The following TRPC4 variants were observed in gnomAD, a reference collection of about 807,000 sequenced individuals.
The protein encoded by TRPC4 is transient receptor potential cation channel subfamily C member 4.
Under a neutral mutation model 99.4 loss-of-function variants are expected in TRPC4, and 49 were observed. The ratio of observed to expected loss-of-function variants is 0.49; its 90% CI spans 0.39 to 0.63. The LOEUF (loss-of-function observed/expected upper bound fraction) is 0.63. Ranked by LOEUF, TRPC4 falls within the 20% of genes least tolerant of loss-of-function variation. The pLI is 0.00. For synonymous variants in TRPC4, 454 were observed against 425.9 expected (o/e 1.07, Z -0.81); for missense variants, 898 against 1,152.9 (o/e 0.78, Z 3.20).
At chr13:37,647,396 C>T (rs893231958) in intron 8 of TRPC4, among the ~76,000 whole-genome samples, 4 of 152,132 alleles carry the variant, frequency 2.6e-5, no homozygotes, top group African/African-American at 9.7e-5. Context: ...GCCTGGTAAA[C>T]AAGGGATTCG....
intron 1 of TRPC4, among the ~76,000 whole-genome samples, chr13:37,797,881 C>A (rs1024940145): frequency 6.6e-6 from 1 of 152,134 alleles, no homozygotes. Flanking sequence ...TTATTCTGCA[C>A]AGTCATCAAC....
chr13:37,788,697 C>A (rs755362069), intron 1 of TRPC4, among the ~76,000 whole-genome samples: 31 of 151,966 alleles, frequency 2.0e-4, no homozygotes, highest in South Asian at 4.1e-4. Flanking sequence ...TTTCCTTTAT[C>A]TATCACTCTC....
At chr13:37,778,158 C>T (rs1346820672) in intron 2 of TRPC4, among the ~76,000 whole-genome samples, 1 of 152,066 alleles carries the variant, frequency 6.6e-6, no homozygotes, top group Non-Finnish European at 1.5e-5. Flanking sequence ...AAATGACACC[C>T]ATTCAAATCG....
intron 1 of TRPC4, among the ~76,000 whole-genome samples, chr13:37,789,310 G>A (rs980144509): frequency 6.6e-6 from 1 of 151,994 alleles, no homozygotes; most frequent in Non-Finnish European, 1.5e-5. Context: ...CCTTCCCTTG[G>A]GCACTTAGCA....
rs142107050 is a variant in TRPC4 at position 37,836,226 on chromosome 13, C to T, written c.-28+33369G>A. Among the ~76,000 whole-genome samples, 215 of 152,212 alleles carry T rather than the reference C, an allele frequency of 1.4e-3. 1 individual carries two copies. The highest frequency in any genetic ancestry group is 3.4e-3 in the Middle Eastern group (1 of 294). On this transcript the variant is annotated intron_variant, in intron 1 of 10. Transcript: ENST00000379705. ...CTTTCTTTTGTAAATTGCCCAGTCT[C>T]GGGTATATTTTTATCAGCAGCATGA...
intron 1 of TRPC4, among the ~76,000 whole-genome samples, chr13:37,830,026 G>C (rs1016705299): frequency 2.8e-4 from 43 of 152,180 alleles, no homozygotes; most frequent in Admixed American, 3.3e-4. Flanking sequence ...GACTGCTAAT[G>C]ACTATGGGGT....
In TRPC4 at chr13:37,639,060, G is replaced by C. The variant is rs201872753; in HGVS notation, c.2191C>G (p.Leu731Val). ...MIRDAKTEEG[L>V]TEENFKELKQ... ...GTTACCTTAAAGTTCTCTTCGGTCA[G>C]GCCTTCTTCAGTTTTAGCATCTCTA... Residue 731 changes from leucine (L) to valine (V), a missense_variant, in exon 10 of 11, where the codon CTG becomes GTG. Coordinates refer to ENST00000379705, the MANE Select transcript of TRPC4 (RefSeq NM_016179.4). 17 of 1,613,462 alleles carry C rather than the reference G, an allele frequency of 1.1e-5. No individual in the cohort carries two copies. Among genetic ancestry groups the C allele is most frequent in the South Asian group, 1.1e-5 (1 of 91,074 alleles).
chr13:37,649,758 A>AAAC (rs774195492), intron 8 of TRPC4, among the ~76,000 whole-genome samples: 5 of 111,752 alleles, frequency 4.5e-5, no homozygotes, highest in South Asian at 3.0e-4. Flanking sequence ...AAAAAAAAAA[A>AAAC]AACAACAACA....
intron 1 of TRPC4, among the ~76,000 whole-genome samples, chr13:37,846,279 C>T (rs1244872937): frequency 1.3e-5 from 2 of 152,028 alleles, no homozygotes; most frequent in Non-Finnish European, 2.9e-5. Flanking sequence ...TGTGGTCATA[C>T]TCAGAATTCT....
chr13:37,742,291 T>A (rs1955614973), intron 3 of TRPC4, among the ~76,000 whole-genome samples: 1 of 152,172 alleles, frequency 6.6e-6, no homozygotes, highest in South Asian at 2.1e-4. Flanking sequence ...TTTTAATATG[T>A]TGATTCATAA....
At chr13:37,653,808 T>C (rs934732061) in intron 7 of TRPC4, among the ~76,000 whole-genome samples, 1 of 152,190 alleles carries the variant, frequency 6.6e-6, no homozygotes, top group African/African-American at 2.4e-5. Context: ...TCCTTGTATC[T>C]AGCTTGATAA....
intron 3 of TRPC4, among the ~76,000 whole-genome samples, chr13:37,709,421 A>C (rs1395181741): frequency 6.6e-6 from 1 of 152,070 alleles, no homozygotes; most frequent in Non-Finnish European, 1.5e-5. Flanking sequence ...TAACAATAAC[A>C]GTACTGATAA....
At chr13:37,659,509 A>C (rs574298696) in intron 6 of TRPC4, among the ~76,000 whole-genome samples, 16 of 152,202 alleles carry the variant, frequency 1.1e-4, no homozygotes, top group Non-Finnish European at 2.4e-4. Context: ...ATGGACTAAG[A>C]CAGGAGGCAG....
At chr13:37,686,076 A>G (rs139600899) in intron 4 of TRPC4, among the ~76,000 whole-genome samples, 2 of 152,228 alleles carry the variant, frequency 1.3e-5, no homozygotes, top group East Asian at 3.9e-4. Flanking sequence ...TGCTAAGATT[A>G]TTTGAGCACC....
At chr13:37,656,872 G>A (rs1036438374) in intron 6 of TRPC4, among the ~76,000 whole-genome samples, 3 of 152,108 alleles carry the variant, frequency 2.0e-5, no homozygotes, top group Non-Finnish European at 2.9e-5. Context: ...CCAGCACTAC[G>A]TCAACTCCGG....
In TRPC4 at chr13:37,632,786, G is replaced by A. The variant is rs1951423354; in HGVS notation, c.*4117C>T. ...ACAGTGTATTTTCTGAAAACAGTAAGAAACCAGCTTTTTAAAAATTCTCTT... is the reference window on the plus strand; with the variant it reads ...ACAGTGTATTTTCTGAAAACAGTAAAAAACCAGCTTTTTAAAAATTCTCTT... On this transcript the variant is annotated 3_prime_UTR_variant, in exon 11 of 11. Transcript: ENST00000379705. Among the ~76,000 whole-genome samples, 1 of 152,110 alleles carries A rather than the reference G, an allele frequency of 6.6e-6. No individual in the cohort carries two copies. The highest frequency in any genetic ancestry group is 2.4e-5 in the African/African-American group (1 of 41,442).
chr13:37,788,751 A>C lies in TRPC4; in HGVS notation c.-27-5391T>G, dbSNP rs1479233194. Among the ~76,000 whole-genome samples, 4 of 152,186 alleles carry C rather than the reference A, an allele frequency of 2.6e-5. No individual in the cohort carries two copies. In the East Asian group the frequency reaches 7.7e-4, roughly 29 times the overall value. On this transcript the variant is annotated intron_variant, in intron 1 of 10. Transcript: ENST00000379705. ...TGCTGTTTAAAATGTTCCCTGAAAA[A>C]CATACATATGTTTTAAAATATCCTA... is the stretch of plus-strand genomic sequence containing the variant.
At chr13:37,728,895 T>G (rs1955153573) in intron 3 of TRPC4, among the ~76,000 whole-genome samples, 1 of 152,060 alleles carries the variant, frequency 6.6e-6, no homozygotes, top group Admixed American at 6.6e-5. Context: ...ATCAAATTGT[T>G]TCTGATGATG....
chr13:37,839,452 C>A (rs539226807), intron 1 of TRPC4, among the ~76,000 whole-genome samples: 1 of 152,102 alleles, frequency 6.6e-6, no homozygotes, highest in Admixed American at 6.6e-5. Context: ...TTAAAGAGAA[C>A]ATGATATCAA....
Sources: gnomAD v4.1 joint callset for allele counts (sites outside exome capture counted in the v4.1 genomes callset) on GRCh38, gnomAD v4.1.1 for gene constraint, MANE v1.5 for transcripts, NCBI Gene and HGNC (gene_info 2026-07-23, HGNC 2026-07-21) for gene names.